The following LTBP3 variants were observed in gnomAD, a reference collection of about 807,000 sequenced individuals.
LTBP3 encodes the protein latent transforming growth factor beta binding protein 3.
A neutral mutation model predicts 159.7 loss-of-function variants in LTBP3; 97 were observed. That is an observed-to-expected ratio of 0.61 (90% CI 0.52 to 0.72). The LOEUF (loss-of-function observed/expected upper bound fraction) is 0.72. LTBP3 is among the 30% of genes least tolerant of loss of function. The pLI is 0.00. For missense variants in LTBP3, 1,584 were observed against 1,864.3 expected (o/e 0.85, Z 2.77); for synonymous variants, 824 against 777.1 (o/e 1.06, Z -1.00).
At position 65,546,542 on chromosome 11, in the gene LTBP3, G is replaced by A; in HGVS notation, c.2253C>T (p.Gly751=). 1 of 1,602,220 alleles carries A rather than the reference G, an allele frequency of 6.2e-7. No individual in the cohort carries two copies. The stretch of plus-strand genomic sequence containing the variant: ...CGCACCAGCCAGGCGAGCAGGGGCT[G>A]CCCTCGGCGCACTCGTTCACGTCTG... ...ACRDVNECAE[G]SPCSPGWCEN... The change falls in exon 16 of 28, where the codon GGC becomes GGT. Residue 751 remains glycine, a synonymous_variant. Coordinates refer to ENST00000301873, the MANE Select transcript of LTBP3 (RefSeq NM_001130144.3). The surrounding 1 kb of genome is among the most constrained non-coding windows in gnomAD (Gnocchi z 4.0).
At position 65,541,299 on chromosome 11, in the gene LTBP3, G is replaced by A; in HGVS notation, c.2726-6C>T. On this transcript the variant is annotated splice_polypyrimidine_tract_variant and splice_region_variant and intron_variant, in intron 19 of 27. Coordinates refer to ENST00000301873, the MANE Select transcript of LTBP3 (RefSeq NM_001130144.3). Reference sequence around the variant, plus strand: ...GTGGTGGGGCTGCTCCACCTCTGAGGGGCAGACGGCAGCTCAGGGTTGTGC... The same window carrying A: ...GTGGTGGGGCTGCTCCACCTCTGAGAGGCAGACGGCAGCTCAGGGTTGTGC... 2 of 1,609,396 alleles carry A rather than the reference G, an allele frequency of 1.2e-6. No individual in the cohort carries two copies. The highest frequency in any genetic ancestry group is 2.2e-5 in the South Asian group (2 of 91,036).
In LTBP3 at chr11:65,557,912, G is replaced by T; in HGVS notation, c.48C>A (p.Arg16=). The change falls in exon 1 of 28, where the codon CGC becomes CGA. Residue 16 remains arginine, a synonymous_variant. Transcript: ENST00000301873. ...GAAGGLAPEM[R]GAGAAGLLAL... ...CCAGCAGCCCCGCCGCCCCCGCCCC[G>T]CGCATCTCAGGGGCCAGGCCGCCAG... 2 of 1,262,450 alleles carry T rather than the reference G, an allele frequency of 1.6e-6. No individual in the cohort carries two copies. The highest frequency in any genetic ancestry group is 2.2e-5 in the South Asian group (1 of 45,774). 78.2% of individuals were successfully genotyped at this position (1,262,450 alleles called of 1,614,324 possible).
At chr11:65,549,373 C>A (rs1018968721) in intron 11 of LTBP3, among the ~76,000 whole-genome samples, 5 of 152,008 alleles carry the variant, frequency 3.3e-5, no homozygotes, top group Admixed American at 6.6e-5. Context: ...TTTTCCCAAC[C>A]TGAATGCCCC....
chr11:65,542,928 AGAAGGATGGATGGATG>A (rs1352267722), intron 18 of LTBP3, 161 bp downstream of exon 18: 5 of 812,808 alleles, frequency 6.2e-6, no homozygotes, highest in South Asian at 1.6e-5. Flanking sequence ...ATGGATGGAT[AGAAGGATGGATGGATG>A]GATGGATGGA....
chr11:65,540,515 TAGA>T lies in LTBP3; in HGVS notation c.3074_3076del (p.Phe1025del), dbSNP rs761884545. The T allele has an allele frequency of 6.2e-7, 1 of 1,613,798 alleles. No individual in the cohort carries two copies. The highest frequency in any genetic ancestry group is 1.1e-5 in the South Asian group (1 of 91,088). The stretch of plus-strand genomic sequence containing the variant: ...GCATTCCAGCAGGTTCCCGTCGTAG[TAGA>T]AGCCCTGCTTGCAGTAGCACTCGTA... On this transcript the variant is annotated inframe_deletion, in exon 22 of 28. Transcript: ENST00000301873.
chr11:65,553,316 C>A lies in LTBP3; in HGVS notation c.971-60G>T. 3 of 1,300,084 alleles carry A rather than the reference C, an allele frequency of 2.3e-6. No homozygotes were observed. In the South Asian group the frequency reaches 3.5e-5, roughly 15 times the overall value. The allele number at this position is 1,300,084 out of a possible 1,614,324, so 80.5% of individuals were successfully genotyped here. A position where few individuals can be genotyped will look rare whatever the true frequency, so the allele number is the denominator to read the frequency against. ...AGGAGGGAACTGGGGAGGGGCACAG[C>A]AGATGTAGAGAGGAATCTGGTGACC... is the stretch of plus-strand genomic sequence containing the variant. On this transcript the variant is annotated intron_variant, in intron 4 of 27. Coordinates refer to ENST00000301873, the MANE Select transcript of LTBP3 (RefSeq NM_001130144.3). This position sits in a 1 kb window ranked among gnomAD's most constrained non-coding sequence, Gnocchi z 6.5.
Position 65,547,373 on chromosome 11 carries a change from CAG to C in LTBP3, c.2107+64_2107+65del. 1 of 1,580,358 alleles carries C rather than the reference CAG, an allele frequency of 6.3e-7. No homozygotes were observed. Among genetic ancestry groups the C allele is most frequent in the South Asian group, 1.1e-5 (1 of 90,020 alleles). On this transcript the variant is annotated intron_variant, in intron 14 of 27. Transcript: ENST00000301873. The surrounding 1 kb of genome is among the most constrained non-coding windows in gnomAD (Gnocchi z 4.6). Reference sequence around the variant, plus strand: ...GAAAAAAAAAAAAATGCAGGCACCCCAGCCCCACCCCAGGTGGAGAGACAGCT... The same window carrying C: ...GAAAAAAAAAAAAATGCAGGCACCCCCCCCACCCCAGGTGGAGAGACAGCT...
intron 19 of LTBP3, 138 bp from the exon 20 acceptor site, chr11:65,541,431 C>T (rs1856132740): frequency 7.1e-7 from 1 of 1,408,790 alleles, no homozygotes; most frequent in Non-Finnish European, 9.8e-7. Flanking sequence ...CTGTTCTCAA[C>T]GTGGTGTTCT....
At chr11:65,539,988 G>A (rs1049561409) in intron 24 of LTBP3, 25 bp downstream of exon 24, 1 of 1,468,334 alleles carries the variant, frequency 6.8e-7, no homozygotes, top group Non-Finnish European at 9.0e-7. Flanking sequence ...CCCCGGGATC[G>A]GCCAAGGCCA....
chr11:65,553,402 G>T lies in LTBP3; in HGVS notation c.970+23C>A, dbSNP rs1439936675. ...GGGGAGGGGCCACCAGATAGGGAACGCCCCCTGAGCCCAAGCACTCACACT... is the reference window on the plus strand; with the variant it reads ...GGGGAGGGGCCACCAGATAGGGAACTCCCCCTGAGCCCAAGCACTCACACT... On this transcript the variant is annotated intron_variant, in intron 4 of 27. Coordinates refer to ENST00000301873, the MANE Select transcript of LTBP3 (RefSeq NM_001130144.3). The surrounding 1 kb of genome is among the most constrained non-coding windows in gnomAD (Gnocchi z 6.5). The T allele has an allele frequency of 6.3e-7, 1 of 1,598,272 alleles. No individual in the cohort carries two copies. Among genetic ancestry groups the T allele is most frequent in the Non-Finnish European group, 8.6e-7 (1 of 1,168,218 alleles).
At position 65,554,501 on chromosome 11, in the gene LTBP3, A is replaced by G. The variant is rs879548350; in HGVS notation, c.332-121T>C. On this transcript the variant is annotated intron_variant, in intron 1 of 27. Transcript: ENST00000301873. The surrounding 1 kb of genome is among the most constrained non-coding windows in gnomAD (Gnocchi z 5.3). ...AGCCAGGTTTTGAGATACATCCTACATAGGGAAACTGCCCTCTCTAGGTTC... is the reference window on the plus strand; with the variant it reads ...AGCCAGGTTTTGAGATACATCCTACGTAGGGAAACTGCCCTCTCTAGGTTC... The G allele has an allele frequency of 6.9e-6, 5 of 720,094 alleles. 1 individual carries two copies. The South Asian group carries it at 7.3e-5, about 10-fold the overall frequency. 44.6% of individuals were successfully genotyped at this position (720,094 alleles called of 1,614,324 possible). A position where few individuals can be genotyped will look rare whatever the true frequency, so the allele number is the denominator to read the frequency against.
chr11:65,540,556 G>A lies in LTBP3; in HGVS notation c.3036C>T (p.Asn1012=), dbSNP rs767751461. The A allele has an allele frequency of 1.6e-5, 26 of 1,613,788 alleles. 1 individual carries two copies. In the South Asian group the frequency reaches 2.6e-4, roughly 16 times the overall value. ...AGTAGCACTCGTAGCCAGGCTGCGT[G>A]TTCACGCACTTGCCCTCCTTGCAAA... The part of the protein sequence containing the change: ...SEICKEGKCV[N]TQPGYECYCK... Residue 1012 remains asparagine, a synonymous_variant, in exon 22 of 28, where the codon AAC becomes AAT. Coordinates refer to ENST00000301873, the MANE Select transcript of LTBP3 (RefSeq NM_001130144.3).
rs1856693019 is a variant in LTBP3, at chr11:65,553,618, C to T, written c.864+83G>A. 2.0e-6 allele frequency: 3 copies of T among 1,516,978 alleles called. No individual in the cohort carries two copies. Among genetic ancestry groups the T allele is most frequent in the East Asian group, 2.4e-5 (1 of 41,792 alleles). The allele number at this position is 1,516,978 out of a possible 1,614,324, so 94.0% of individuals were successfully genotyped here. ...TGGGCCTTTTCCTCTTCCCCCGCCC[C>T]TCAGTTTTCTGCTATCCGAGTGAGT... On this transcript the variant is annotated intron_variant, in intron 3 of 27. Coordinates refer to ENST00000301873, the MANE Select transcript of LTBP3 (RefSeq NM_001130144.3). The surrounding 1 kb of genome is among the most constrained non-coding windows in gnomAD (Gnocchi z 6.5).
chr11:65,557,027 A>C (rs1400783955), intron 1 of LTBP3, among the ~76,000 whole-genome samples: 1 of 151,826 alleles, frequency 6.6e-6, no homozygotes. Context: ...GCTTATGGGG[A>C]GGCATTGGAA....
chr11:65,554,831 C>T lies in LTBP3; in HGVS notation c.332-451G>A, dbSNP rs992903568. Reference sequence around the variant, plus strand: ...GCGCCTCCTCCTCTTCTCCCATAAACCCTTCCCTCCTTCAGGCCTCAGTCC... The same window carrying T: ...GCGCCTCCTCCTCTTCTCCCATAAATCCTTCCCTCCTTCAGGCCTCAGTCC... On this transcript the variant is annotated intron_variant, in intron 1 of 27. Coordinates refer to ENST00000301873, the MANE Select transcript of LTBP3 (RefSeq NM_001130144.3). This position sits in a 1 kb window ranked among gnomAD's most constrained non-coding sequence, Gnocchi z 5.3. Among the ~76,000 whole-genome samples the T allele has an allele frequency of 6.6e-6, 1 of 151,940 alleles. No homozygotes were observed. Among genetic ancestry groups the T allele is most frequent in the Non-Finnish European group, 1.5e-5 (1 of 67,956 alleles).
In LTBP3 at chr11:65,552,221, C is replaced by T. The variant is rs762756675; in HGVS notation, c.1345+27G>A. On this transcript the variant is annotated intron_variant, in intron 7 of 27. Coordinates refer to ENST00000301873, the MANE Select transcript of LTBP3 (RefSeq NM_001130144.3). The surrounding 1 kb of genome is among the most constrained non-coding windows in gnomAD (Gnocchi z 6.0). ...TGGACAGGTGCATGGACCTATGAACCCCTATCCCCGGGTAACCCTGACTCA... is the reference window on the plus strand; with the variant it reads ...TGGACAGGTGCATGGACCTATGAACTCCTATCCCCGGGTAACCCTGACTCA... 1.9e-6 allele frequency: 3 copies of T among 1,614,136 alleles called. No homozygotes were observed. Among genetic ancestry groups the T allele is most frequent in the Admixed American group, 3.3e-5 (2 of 60,018 alleles).
rs1396544473 is a variant in LTBP3 at position 65,552,444 on chromosome 11, G to A, written c.1187-38C>T. The A allele has an allele frequency of 1.2e-6, 2 of 1,607,244 alleles. No homozygotes were observed. Among genetic ancestry groups the A allele is most frequent in the Admixed American group, 1.7e-5 (1 of 59,996 alleles). On this transcript the variant is annotated intron_variant, in intron 6 of 27. Transcript: ENST00000301873. The surrounding 1 kb of genome is among the most constrained non-coding windows in gnomAD (Gnocchi z 6.0). ...GTGGGGGGCATGGGCATCTGAGCCT[G>A]CACATTGCCCACGTCCCTCTGCCCA... is the stretch of plus-strand genomic sequence containing the variant.
At chr11:65,549,422 T>A (rs1856509021) in intron 11 of LTBP3, among the ~76,000 whole-genome samples, 1 of 151,252 alleles carries the variant, frequency 6.6e-6, no homozygotes, top group Non-Finnish European at 1.5e-5. Flanking sequence ...ACCATCTTTC[T>A]TTTTTTTTGA....
Position 65,553,758 on chromosome 11 carries a change from C to T in LTBP3, c.807G>A (p.Arg269=). 1 of 1,574,670 alleles carries T rather than the reference C, an allele frequency of 6.4e-7. No homozygotes were observed. The change falls in exon 3 of 28, where the codon CGG becomes CGA. Residue 269 remains arginine (R), a synonymous_variant. Coordinates refer to ENST00000301873, the MANE Select transcript of LTBP3 (RefSeq NM_001130144.3). The surrounding 1 kb of genome is among the most constrained non-coding windows in gnomAD (Gnocchi z 6.5). ...LLPHPKPSHP[R]PPTQKPLGRC... is the part of the protein sequence containing the mutation. ...GGCCCAGGGGCTTCTGGGTGGGCGG[C>T]CGGGGGTGCGAGGGCTTGGGGTGCG...
Sources: allele counts gnomAD v4.1 joint callset (sites outside exome capture counted in the v4.1 genomes callset), GRCh38; gene constraint gnomAD v4.1.1; non-coding constraint Gnocchi (gnomAD v3.1); transcripts MANE v1.5; gene names NCBI Gene and HGNC (gene_info 2026-07-23, HGNC 2026-07-21).